Variants in ZNF423 observed in about 807,000 individuals in gnomAD.
ZNF423 encodes the protein zinc finger protein 423.
Under a neutral mutation model 95.8 loss-of-function variants are expected in ZNF423, and 12 were observed. That is an observed-to-expected ratio of 0.13 (90% CI 0.08 to 0.20). ZNF423 has a LOEUF of 0.20. Among genes scored for constraint, ZNF423 ranks in the 10% least tolerant of loss-of-function variants. ZNF423 has a pLI of 1.00. For synonymous variants in ZNF423, 749 were observed against 711.9 expected (o/e 1.05, Z -0.83); for missense variants, 1,316 against 1,737.1 (o/e 0.76, Z 4.31).
chr16:49,714,768 T>A (rs1394379665), intron 3 of ZNF423, among the ~76,000 whole-genome samples: 1 of 149,940 alleles, frequency 6.7e-6, no homozygotes, highest in Non-Finnish European at 1.5e-5. Flanking sequence ...AAAAAAAAAA[T>A]TAATTTAAAA....
intron 3 of ZNF423, among the ~76,000 whole-genome samples, chr16:49,703,330 A>C (rs972522559): frequency 1.3e-5 from 2 of 152,170 alleles, no homozygotes; most frequent in African/African-American, 4.8e-5. Flanking sequence ...TGAAGGAGTA[A>C]AAATCATTTC....
chr16:49,810,211 C>G (rs1422409664), intron 1 of ZNF423, among the ~76,000 whole-genome samples: 2 of 151,878 alleles, frequency 1.3e-5, no homozygotes, highest in South Asian at 2.1e-4. Context: ...TCACAGACTC[C>G]TCACCCCAAA....
rs368649166 is a variant in ZNF423 at position 49,636,642 on chromosome 16, G to T, written c.2534C>A (p.Thr845Asn). The change falls in exon 4 of 8, where the codon ACC (threonine) becomes AAC (asparagine). Residue 845 changes from threonine (T) to asparagine (N), a missense_variant. Coordinates refer to ENST00000563137, the MANE Select transcript of ZNF423 (RefSeq NM_001379286.1). This position sits in a 1 kb window ranked among gnomAD's most constrained non-coding sequence, Gnocchi z 8.6. ...TACCCCATTGGCCGTGCCGTTCTCG[G>T]TCGCAGCATCAAACACACAGTGCTT... ...REKHCVFDAATENGTANGVPP... is the reference protein window; with the variant it reads ...REKHCVFDAANENGTANGVPP... The T allele has an allele frequency of 1.2e-6, 2 of 1,613,958 alleles. No homozygotes were observed. Among genetic ancestry groups the T allele is most frequent in the African/African-American group, 2.7e-5 (2 of 74,926 alleles).
At chr16:49,699,108 A>C (rs2032080185) in intron 3 of ZNF423, among the ~76,000 whole-genome samples, 1 of 152,350 alleles carries the variant, frequency 6.6e-6, no homozygotes, top group East Asian at 1.9e-4. Context: ...TCCTCTGCCA[A>C]GGAGCCGACA....
At chr16:49,696,260 TG>T (rs1289451524) in intron 3 of ZNF423, among the ~76,000 whole-genome samples, 3 of 151,984 alleles carry the variant, frequency 2.0e-5, no homozygotes, top group East Asian at 1.9e-4. Flanking sequence ...ATTGCGATGG[TG>T]GGGGGTGGGG....
intron 3 of ZNF423, among the ~76,000 whole-genome samples, chr16:49,703,442 G>A (rs900973857): frequency 2.0e-5 from 3 of 152,226 alleles, no homozygotes; most frequent in Non-Finnish European, 2.9e-5. Flanking sequence ...ACATTTTTCA[G>A]GGACTTTACC....
At chr16:49,623,858 G>A (rs1333157495) in intron 5 of ZNF423, among the ~76,000 whole-genome samples, 1 of 152,214 alleles carries the variant, frequency 6.6e-6, no homozygotes, top group Non-Finnish European at 1.5e-5. Flanking sequence ...GGGTCAGGGG[G>A]ACTGGCCAAT....
At chr16:49,800,243 CA>C (rs111441917) in intron 1 of ZNF423, among the ~76,000 whole-genome samples, 1,486 of 120,126 alleles carry the variant, frequency 0.012, 11 homozygotes, top group African/African-American at 0.02. Context: ...GGCTCTGTCT[CA>C]AAAAAAAAAA....
At chr16:49,708,868 G>T (rs2032447355) in intron 3 of ZNF423, among the ~76,000 whole-genome samples, 2 of 152,096 alleles carry the variant, frequency 1.3e-5, no homozygotes, top group Non-Finnish European at 2.9e-5. Flanking sequence ...GACCTAGTAG[G>T]TGCTCAGTAA....
At chr16:49,615,596 A>G (rs1971850385) in intron 5 of ZNF423, among the ~76,000 whole-genome samples, 1 of 152,170 alleles carries the variant, frequency 6.6e-6, no homozygotes, top group Non-Finnish European at 1.5e-5. Flanking sequence ...GGGAGGCCTG[A>G]AGTCCCCCAG....
chr16:49,753,104 C>T (rs557307996), intron 2 of ZNF423, among the ~76,000 whole-genome samples: 160 of 147,906 alleles, frequency 1.1e-3, no homozygotes, highest in African/African-American at 3.7e-3. Context: ...ATTAGCCAGG[C>T]GTGGTGGCGT....
intron 3 of ZNF423, among the ~76,000 whole-genome samples, chr16:49,688,081 C>T (rs2151943622): frequency 1.7e-5 from 2 of 120,616 alleles, no homozygotes; most frequent in South Asian, 7.0e-4. Flanking sequence ...CGCAAGTCTC[C>T]CTGGTTGAGA....
chr16:49,573,760 A>C (rs902282425), intron 5 of ZNF423, among the ~76,000 whole-genome samples: 1 of 152,368 alleles, frequency 6.6e-6, no homozygotes, highest in South Asian at 2.1e-4. Flanking sequence ...GCATTCAGAA[A>C]GATAGTCCAA....
intron 2 of ZNF423, among the ~76,000 whole-genome samples, chr16:49,776,091 G>A (rs2034114668): frequency 6.6e-6 from 1 of 152,256 alleles, no homozygotes; most frequent in East Asian, 1.9e-4. Context: ...GAGCTCAGGT[G>A]ACAGCATAGA....
rs181054069 is a variant in ZNF423 at position 49,823,390 on chromosome 16, A to G, written c.40+32345T>C. ...TCTTGTTTAATCTTCACAGCTGTGC[A>G]GAAAAAAACGAGTGTTAATGCTGCA... On this transcript the variant is annotated intron_variant, in intron 1 of 7. Coordinates refer to ENST00000563137, the MANE Select transcript of ZNF423 (RefSeq NM_001379286.1). 2.6e-4 allele frequency among the ~76,000 whole-genome samples: 39 copies of G among 152,328 alleles called. No homozygotes were observed. In the East Asian group the frequency reaches 4.4e-3, roughly 17 times the overall value.
intron 5 of ZNF423, among the ~76,000 whole-genome samples, chr16:49,578,089 C>A (rs1381962869): frequency 2.0e-5 from 3 of 152,220 alleles, no homozygotes; most frequent in African/African-American, 7.2e-5. Context: ...TTTCTCTGGG[C>A]AGGGAGCTGG....
intron 5 of ZNF423, among the ~76,000 whole-genome samples, chr16:49,607,697 T>A (rs1198834213): frequency 2.6e-5 from 4 of 152,286 alleles, no homozygotes; most frequent in Non-Finnish European, 4.4e-5. Flanking sequence ...AATATGTTCA[T>A]GTTGACAATT....
Position 49,525,593 on chromosome 16 carries a change from C to T in ZNF423, c.3602-99G>A, listed in dbSNP as rs988721022. The T allele has an allele frequency of 3.9e-6, 6 of 1,526,378 alleles. No individual in the cohort carries two copies. In the African/African-American group the frequency reaches 6.8e-5, roughly 17 times the overall value. 94.6% of individuals were successfully genotyped at this position (1,526,378 alleles called of 1,614,324 possible). ...ATAGACCCCAGCACTAACCCCCCTCCAATCCCCAGCACCGGGGCTGGTGAA... is the reference window on the plus strand; with the variant it reads ...ATAGACCCCAGCACTAACCCCCCTCTAATCCCCAGCACCGGGGCTGGTGAA... On this transcript the variant is annotated intron_variant, in intron 5 of 7. Coordinates refer to ENST00000563137, the MANE Select transcript of ZNF423 (RefSeq NM_001379286.1).
intron 1 of ZNF423, among the ~76,000 whole-genome samples, chr16:49,819,275 G>A (rs2034904110): frequency 6.9e-6 from 1 of 145,446 alleles, no homozygotes; most frequent in African/African-American, 2.5e-5. Flanking sequence ...AAAAATGGCA[G>A]TTCCTCAGTC....
Sources: allele counts gnomAD v4.1 joint callset (sites outside exome capture counted in the v4.1 genomes callset), GRCh38; gene constraint gnomAD v4.1.1; non-coding constraint Gnocchi (gnomAD v3.1); transcripts MANE v1.5; gene names NCBI Gene and HGNC (gene_info 2026-07-23, HGNC 2026-07-21).